The following UNC13C variants were observed in gnomAD, a reference collection of about 807,000 sequenced individuals.
UNC13C encodes the protein unc-13 homolog C.
Under a neutral mutation model 245.4 loss-of-function variants are expected in UNC13C, and 174 were observed. That is an observed-to-expected ratio of 0.71 (90% CI 0.63 to 0.80). The LOEUF is 0.80. Among genes scored for constraint, UNC13C ranks in the 30% least tolerant of loss-of-function variants. UNC13C has a pLI of 0.00. For synonymous variants in UNC13C, 992 were observed against 895.1 expected (o/e 1.11, Z -1.93); for missense variants, 2,829 against 2,602.9 (o/e 1.09, Z -1.89).
intron 19 of UNC13C, among the ~76,000 whole-genome samples, chr15:54,459,153 T>C (rs946971300): frequency 1.3e-5 from 2 of 152,194 alleles, no homozygotes; most frequent in Non-Finnish European, 2.9e-5. Flanking sequence ...TTTACGAAGC[T>C]TAGTTTCTCT....
the UNC13C span, among the ~76,000 whole-genome samples, chr15:53,850,151 C>A: frequency 6.6e-6 from 1 of 151,970 alleles, no homozygotes; most frequent in Non-Finnish European, 1.5e-5. Flanking sequence ...CATGGTGGCT[C>A]ACACCTCTAA....
intron 4 of UNC13C, among the ~76,000 whole-genome samples, chr15:54,158,477 G>GC (rs2032843465): frequency 6.6e-6 from 1 of 151,806 alleles, no homozygotes; most frequent in Non-Finnish European, 1.5e-5. Flanking sequence ...CCGCCACCAT[G>GC]CCCAGCTAAT....
At chr15:53,931,892 A>C in the UNC13C span, among the ~76,000 whole-genome samples, 3 of 152,312 alleles carry the variant, frequency 2.0e-5, no homozygotes, top group Non-Finnish European at 4.4e-5. Context: ...ATCATTTACC[A>C]AAATGGAAAT....
At chr15:54,321,667 T>C (rs2038163409) in intron 13 of UNC13C, 1 of 384,606 alleles carries the variant, frequency 2.6e-6, no homozygotes, top group Non-Finnish European at 4.7e-6. Context: ...GACTTCGACA[T>C]GACAACAGTG....
chr15:54,341,208 G>T (rs1435592555), intron 17 of UNC13C, among the ~76,000 whole-genome samples: 2 of 152,074 alleles, frequency 1.3e-5, no homozygotes, highest in Non-Finnish European at 2.9e-5. Flanking sequence ...ATCAACCTAG[G>T]TGCCCATCCA....
chr15:54,211,122 G>A (rs1422507151), intron 4 of UNC13C, among the ~76,000 whole-genome samples: 1 of 152,080 alleles, frequency 6.6e-6, no homozygotes, highest in Non-Finnish European at 1.5e-5. Flanking sequence ...AAATTAATTT[G>A]ACCAGGGAAT....
chr15:54,459,714 C>T (rs903625789), intron 19 of UNC13C, among the ~76,000 whole-genome samples: 2 of 151,944 alleles, frequency 1.3e-5, no homozygotes, highest in Non-Finnish European at 2.9e-5. Flanking sequence ...TTTTGCATTT[C>T]CCTAAGTGTG....
chr15:54,396,251 A>C (rs1340901580), intron 18 of UNC13C, among the ~76,000 whole-genome samples: 1 of 151,704 alleles, frequency 6.6e-6, no homozygotes, highest in African/African-American at 2.4e-5. Flanking sequence ...TTTGTAATTC[A>C]TCCACTCCTC....
chr15:54,288,326 A>G lies in UNC13C; in HGVS notation c.3819-5569A>G, dbSNP rs1028885457. On this transcript the variant is annotated intron_variant, in intron 10 of 32. Transcript: ENST00000260323. ...TGGGTAAACCTTCTTTGCTCATTTT[A>G]TCAGTGCCTACACTCAAGGGTGAGT... is the stretch of plus-strand genomic sequence containing the variant. Among the ~76,000 whole-genome samples, 8 of 152,218 alleles carry G rather than the reference A, an allele frequency of 5.3e-5. No individual in the cohort carries two copies. In the South Asian group the frequency reaches 8.3e-4, roughly 16 times the overall value.
At chr15:53,982,061 A>G (rs1194202727) in intron 1 of UNC13C, among the ~76,000 whole-genome samples, 1 of 152,182 alleles carries the variant, frequency 6.6e-6, no homozygotes. Flanking sequence ...ACTCAACATT[A>G]TAAATTGTAC....
chr15:54,442,220 A>T (rs1383897020), intron 19 of UNC13C, among the ~76,000 whole-genome samples: 2 of 148,780 alleles, frequency 1.3e-5, no homozygotes, highest in African/African-American at 2.5e-5. Flanking sequence ...ATTGAATGAA[A>T]TTAGGCATCT....
At chr15:54,113,108 C>G (rs550472037) in intron 2 of UNC13C, among the ~76,000 whole-genome samples, 15 of 151,958 alleles carry the variant, frequency 9.9e-5, no homozygotes, top group Admixed American at 3.3e-4. Flanking sequence ...CACCTCTCCT[C>G]CACACTCAAC....
chr15:54,596,310 T>C (rs1899080528), intron 30 of UNC13C, among the ~76,000 whole-genome samples: 2 of 152,240 alleles, frequency 1.3e-5, no homozygotes, highest in African/African-American at 4.8e-5. Flanking sequence ...CAAACATGCC[T>C]CCCTGTGAAT....
intron 24 of UNC13C, 94 bp downstream of exon 24, chr15:54,511,924 A>G: frequency 1.2e-6 from 1 of 806,382 alleles, no homozygotes; most frequent in Non-Finnish European, 2.0e-6. Context: ...TCAAGTTTTT[A>G]CATGGTTAAC....
chr15:54,034,271 T>C (rs903953162), intron 2 of UNC13C, among the ~76,000 whole-genome samples: 3 of 152,226 alleles, frequency 2.0e-5, no homozygotes, highest in African/African-American at 7.2e-5. Context: ...TGTAAGCTAC[T>C]GAAGCAGCTT....
chr15:54,625,470 A>ATGAT (rs1374390173), intron 32 of UNC13C, among the ~76,000 whole-genome samples: 1 of 152,136 alleles, frequency 6.6e-6, no homozygotes, highest in Admixed American at 6.6e-5. Flanking sequence ...GGAAGAAGAA[A>ATGAT]TGATAAAAAT....
intron 4 of UNC13C, among the ~76,000 whole-genome samples, chr15:54,233,045 A>C (rs1181636502): frequency 6.6e-6 from 1 of 152,134 alleles, no homozygotes; most frequent in Non-Finnish European, 1.5e-5. Flanking sequence ...TAAGAAAAAA[A>C]GTTTATCATT....
intron 30 of UNC13C, among the ~76,000 whole-genome samples, chr15:54,618,269 C>T (rs1172580811): frequency 1.3e-5 from 2 of 152,092 alleles, no homozygotes; most frequent in African/African-American, 2.4e-5. Context: ...TGCCCTCTGT[C>T]AGTGTATGCT....
intron 19 of UNC13C, among the ~76,000 whole-genome samples, chr15:54,434,547 C>T (rs892407225): frequency 4.6e-5 from 7 of 152,096 alleles, no homozygotes; most frequent in South Asian, 4.1e-4. Context: ...AAAACAGAAA[C>T]TGGACCCCTT....
Sources: allele counts gnomAD v4.1 joint callset (sites outside exome capture counted in the v4.1 genomes callset), GRCh38; gene constraint gnomAD v4.1.1; transcripts MANE v1.5; gene names NCBI Gene and HGNC (gene_info 2026-07-23, HGNC 2026-07-21).